RARB: variants seen among roughly 807,000 people sequenced by gnomAD.
RARB encodes the protein HBV-activated protein.
A neutral mutation model predicts 51.9 loss-of-function variants in RARB; 17 were observed. The observed-to-expected ratio is 0.33, with a 90% confidence interval of 0.22 to 0.49. The LOEUF (loss-of-function observed/expected upper bound fraction) is 0.49, where lower values mean the gene tolerates loss of function less well. Ranked by LOEUF, RARB falls within the 20% of genes least tolerant of loss-of-function variation. The probability of loss-of-function intolerance (pLI) is 0.99; values close to 1 mark genes in which losing one functional copy is unlikely to be tolerated. For missense variants in RARB, 369 were observed against 550.8 expected, an observed-to-expected ratio of 0.67 and a Z score of 3.30; for synonymous variants, 215 against 195.4, an observed-to-expected ratio of 1.10 and a Z score of -0.84.
intron 5 of RARB, among the ~76,000 whole-genome samples, chr3:25,263,137 C>G (rs1021763313): frequency 6.6e-6 from 1 of 152,152 alleles, no homozygotes; most frequent in South Asian, 2.1e-4. Flanking sequence ...GAACGTTTGT[C>G]ATCCAATGTG....
At chr3:25,489,281 AG>A (rs374604685) in intron 2 of RARB, among the ~76,000 whole-genome samples, 3 of 152,244 alleles carry the variant, frequency 2.0e-5, no homozygotes, top group African/African-American at 7.2e-5. Flanking sequence ...AAGAAAGAGG[AG>A]CCTGTGGGTG....
intron 5 of RARB, among the ~76,000 whole-genome samples, chr3:25,182,790 A>G (rs1296556580): frequency 6.6e-6 from 1 of 152,206 alleles, no homozygotes; most frequent in Non-Finnish European, 1.5e-5. Flanking sequence ...GTACCTGTGA[A>G]CATAGCCTTA....
intron 2 of RARB, among the ~76,000 whole-genome samples, chr3:24,918,717 C>T (rs540035170): frequency 5.9e-5 from 9 of 152,146 alleles, no homozygotes; most frequent in African/African-American, 1.9e-4. Context: ...ATGGTGAAAC[C>T]CTGTCTCTAC....
chr3:25,077,893 A>G (rs1698908043), intron 3 of RARB, among the ~76,000 whole-genome samples: 1 of 152,186 alleles, frequency 6.6e-6, no homozygotes, highest in Admixed American at 6.5e-5. Context: ...TTTTTGGTAT[A>G]AAGCAGTATC....
intron 2 of RARB, among the ~76,000 whole-genome samples, chr3:25,052,861 C>A (rs1346234918): frequency 1.7e-4 from 26 of 149,634 alleles, no homozygotes. Flanking sequence ...AAAGTGGGGT[C>A]ACAAGTGAGA....
chr3:24,981,439 T>C (rs1192982323), intron 2 of RARB, among the ~76,000 whole-genome samples: 1 of 152,140 alleles, frequency 6.6e-6, no homozygotes, highest in Non-Finnish European at 1.5e-5. Flanking sequence ...AGTTGGAGCT[T>C]CCCTGCCTCT....
intron 4 of RARB, among the ~76,000 whole-genome samples, chr3:25,146,662 G>T (rs1187485562): frequency 4.6e-5 from 7 of 150,728 alleles, no homozygotes; most frequent in Admixed American, 1.3e-4. Context: ...CTGCCACCGC[G>T]CCCGGCTAAT....
chr3:25,368,789 A>T (rs1706211972), intron 5 of RARB, among the ~76,000 whole-genome samples: 1 of 152,136 alleles, frequency 6.6e-6, no homozygotes, highest in East Asian at 1.9e-4. Context: ...TGCAGGACCC[A>T]TTGCTCCTCT....
intron 2 of RARB, among the ~76,000 whole-genome samples, chr3:25,050,760 C>G (rs1257585611): frequency 6.6e-6 from 1 of 152,166 alleles, no homozygotes; most frequent in Non-Finnish European, 1.5e-5. Context: ...CCCCCATTCT[C>G]CAATATAGTT....
chr3:25,196,548 T>C (rs1701242828), intron 5 of RARB, among the ~76,000 whole-genome samples: 2 of 152,162 alleles, frequency 1.3e-5, no homozygotes, highest in Admixed American at 6.5e-5. Context: ...CATGTGTCTT[T>C]ATAGCAACAT....
intron 2 of RARB, among the ~76,000 whole-genome samples, chr3:24,896,500 C>G (rs559592655): frequency 1.0e-3 from 156 of 152,118 alleles, no homozygotes; most frequent in Admixed American, 1.5e-3. Context: ...ACCTCCTGAT[C>G]CGCCCGCCTC....
intron 2 of RARB, among the ~76,000 whole-genome samples, chr3:25,015,863 C>T (rs1176377211): frequency 6.6e-6 from 1 of 152,182 alleles, no homozygotes; most frequent in African/African-American, 2.4e-5. Context: ...ACCCAGAGTA[C>T]TCTGATTCTA....
intron 4 of RARB, among the ~76,000 whole-genome samples, chr3:25,167,609 G>A (rs1429941018): frequency 6.6e-6 from 1 of 152,186 alleles, no homozygotes; most frequent in Non-Finnish European, 1.5e-5. Flanking sequence ...GTAAGCAGAA[G>A]ATAAATTCAC....
At chr3:25,300,463 A>T (rs1413762170) in intron 5 of RARB, among the ~76,000 whole-genome samples, 2 of 152,176 alleles carry the variant, frequency 1.3e-5, no homozygotes, top group Non-Finnish European at 2.9e-5. Context: ...TCTACTTCTG[A>T]TATCCTTTTT....
chr3:25,087,517 C>T (rs1215282547), intron 3 of RARB, among the ~76,000 whole-genome samples: 1 of 152,088 alleles, frequency 6.6e-6, no homozygotes, highest in Non-Finnish European at 1.5e-5. Flanking sequence ...CCTTTTTAAG[C>T]ATCTGTCTCT....
chr3:25,511,021 A>T (rs1697866235), intron 3 of RARB, among the ~76,000 whole-genome samples: 1 of 152,216 alleles, frequency 6.6e-6, no homozygotes, highest in African/African-American at 2.4e-5. Context: ...GCAACTACTC[A>T]ACTCTACTAT....
At chr3:25,469,006 A>C (rs919294674) in intron 2 of RARB, among the ~76,000 whole-genome samples, 9 of 152,242 alleles carry the variant, frequency 5.9e-5, no homozygotes, top group Admixed American at 2.0e-4. Context: ...GCTGAAGGTC[A>C]CATTGGTAGC....
chr3:25,162,553 A>G (rs1475032275), intron 4 of RARB, among the ~76,000 whole-genome samples: 1 of 152,156 alleles, frequency 6.6e-6, no homozygotes. Flanking sequence ...CTAAAAAGGA[A>G]CTCCACACTC....
rs140276463 is a variant in RARB at position 25,089,747 on chromosome 3, T to A, written c.-328+29571T>A. ...AGAAGCCAAGAATATTTACAATTCATTTCCTCTTATTTAAAGGAGTTTGAA... is the reference window on the plus strand; with the variant it reads ...AGAAGCCAAGAATATTTACAATTCAATTCCTCTTATTTAAAGGAGTTTGAA... On this transcript the variant is annotated intron_variant, in intron 3 of 11. Transcript: ENST00000383772. Among the ~76,000 whole-genome samples, 470 of 152,278 alleles carry A rather than the reference T, an allele frequency of 3.1e-3. 3 individuals carry two copies. Among genetic ancestry groups the A allele is most frequent in the African/African-American group, 0.011 (450 of 41,572 alleles).
Sources: allele counts gnomAD v4.1 joint callset (sites outside exome capture counted in the v4.1 genomes callset), GRCh38; gene constraint gnomAD v4.1.1; transcripts MANE v1.5; gene names NCBI Gene and HGNC (gene_info 2026-07-23, HGNC 2026-07-21).